Variants in CAMK1D observed in about 807,000 individuals in gnomAD.
CAMK1D encodes the protein calcium/calmodulin dependent protein kinase ID, also known as calcium/calmodulin-dependent protein kinase type 1D.
CAMK1D carries 9 observed loss-of-function variants against 47.7 expected under a neutral mutation model. The observed-to-expected ratio is 0.19, with a 90% CI of 0.11 to 0.33. The LOEUF is 0.33. CAMK1D is among the 10% of genes least tolerant of loss of function. CAMK1D has a pLI of 1.00. For missense variants in CAMK1D, 291 were observed against 488.7 expected (o/e 0.60, Z 3.81); for synonymous variants, 184 against 184.9 (o/e 0.99, Z 0.04).
intron 8 of CAMK1D, 114 bp from the exon 9 acceptor site, chr10:12,824,351 C>T (rs960612836): frequency 2.4e-6 from 2 of 847,042 alleles, no homozygotes; most frequent in African/African-American, 1.7e-5. Flanking sequence ...GCCAGCCACC[C>T]TGTCCACGAC....
chr10:12,425,641 G>C (rs1840205718), intron 1 of CAMK1D, among the ~76,000 whole-genome samples: 1 of 152,126 alleles, frequency 6.6e-6, no homozygotes, highest in Non-Finnish European at 1.5e-5. Flanking sequence ...ACCACTTACT[G>C]CCTGGGATCC....
At chr10:12,355,461 C>CGT (rs373427147) in intron 1 of CAMK1D, among the ~76,000 whole-genome samples, 215 of 150,730 alleles carry the variant, frequency 1.4e-3, no homozygotes, top group African/African-American at 4.2e-3. Flanking sequence ...TTTGTGTGTG[C>CGT]GTGTGTGTGT....
intron 1 of CAMK1D, among the ~76,000 whole-genome samples, chr10:12,540,848 A>C (rs1352833053): frequency 6.6e-6 from 1 of 152,106 alleles, no homozygotes; most frequent in Non-Finnish European, 1.5e-5. Context: ...CTACCTACTA[A>C]AGTTAAGGAT....
At chr10:12,563,048 C>A (rs1388030035) in intron 2 of CAMK1D, among the ~76,000 whole-genome samples, 1 of 152,232 alleles carries the variant, frequency 6.6e-6, no homozygotes, top group East Asian at 1.9e-4. Context: ...GAGGTATTGG[C>A]TCATGTAATT....
chr10:12,387,513 CTT>C (rs1232568730), intron 1 of CAMK1D, among the ~76,000 whole-genome samples: 2 of 113,510 alleles, frequency 1.8e-5, no homozygotes, highest in East Asian at 2.5e-4. Flanking sequence ...ATCTCGGTTG[CTT>C]TTTTTTTTTG....
At chr10:12,814,070 T>G in intron 6 of CAMK1D, 125 bp from the exon 7 acceptor site, 1 of 634,166 alleles carries the variant, frequency 1.6e-6, no homozygotes, top group Non-Finnish European at 2.8e-6. Flanking sequence ...ATTACCTGCG[T>G]GAGCCACTGT....
chr10:12,426,511 C>T (rs887923787), intron 1 of CAMK1D, among the ~76,000 whole-genome samples: 7 of 152,214 alleles, frequency 4.6e-5, no homozygotes, highest in South Asian at 2.1e-4. Flanking sequence ...TCCCAAAGTG[C>T]TGGGATTACA....
intron 5 of CAMK1D, among the ~76,000 whole-genome samples, chr10:12,779,532 T>TGATCCTCCCACCTCAGCC (rs1837401944): frequency 6.6e-6 from 1 of 152,104 alleles, no homozygotes; most frequent in Non-Finnish European, 1.5e-5. Flanking sequence ...TGGGCTCAGG[T>TGATCCTCCCACCTCAGCC]GATCCTCCCA....
chr10:12,774,065 C>T lies in CAMK1D; in HGVS notation c.565+4266C>T, dbSNP rs1007214416. 2.0e-3 allele frequency among the ~76,000 whole-genome samples: 235 copies of T among 116,044 alleles called. 1 individual carries two copies. The highest frequency in any genetic ancestry group is 6.4e-3 in the African/African-American group (185 of 28,916). The allele number at this position is 116,044 out of a possible 152,430, so 76.1% of individuals were successfully genotyped here. A position where few individuals can be genotyped will look rare whatever the true frequency, so the allele number is the denominator to read the frequency against. ...CTACCTTCTGTTCTGGGCACTGGTGCGGGGGGAGGGGGGCGGGTACATCAA... is the reference window on the plus strand; with the variant it reads ...CTACCTTCTGTTCTGGGCACTGGTGTGGGGGGAGGGGGGCGGGTACATCAA... On this transcript the variant is annotated intron_variant, in intron 5 of 10. Transcript: ENST00000619168.
At chr10:12,352,528 G>C (rs1490309101) in intron 1 of CAMK1D, among the ~76,000 whole-genome samples, 1 of 151,822 alleles carries the variant, frequency 6.6e-6, no homozygotes, top group Admixed American at 6.6e-5. Flanking sequence ...AGAATCGCTT[G>C]AACTGGGGAG....
At chr10:12,546,824 G>C (rs971485095) in intron 1 of CAMK1D, among the ~76,000 whole-genome samples, 1 of 150,356 alleles carries the variant, frequency 6.7e-6, no homozygotes, top group Admixed American at 6.6e-5. Context: ...GTGGGGGTGG[G>C]GGAGGGATAG....
At chr10:12,362,730 G>A (rs980687511) in intron 1 of CAMK1D, among the ~76,000 whole-genome samples, 12 of 151,844 alleles carry the variant, frequency 7.9e-5, no homozygotes, top group African/African-American at 2.9e-4. Flanking sequence ...CAGGATAGTC[G>A]CGATCTCCTG....
At chr10:12,776,308 G>A (rs1308878152) in intron 5 of CAMK1D, among the ~76,000 whole-genome samples, 2 of 152,234 alleles carry the variant, frequency 1.3e-5, no homozygotes, top group Non-Finnish European at 2.9e-5. Flanking sequence ...AGTTGTCTTT[G>A]CTGGAGGTGG....
intron 3 of CAMK1D, among the ~76,000 whole-genome samples, chr10:12,680,159 C>T (rs958658531): frequency 3.3e-5 from 5 of 152,138 alleles, no homozygotes; most frequent in Non-Finnish European, 5.9e-5. Flanking sequence ...CTAGTGTTCC[C>T]GTTTGGAAGA....
intron 3 of CAMK1D, among the ~76,000 whole-genome samples, chr10:12,718,270 A>G (rs1419228526): frequency 6.6e-6 from 1 of 152,186 alleles, no homozygotes; most frequent in Non-Finnish European, 1.5e-5. Context: ...ACTTTTAATG[A>G]TTCACAGACA....
At chr10:12,685,790 G>A (rs941269256) in intron 3 of CAMK1D, among the ~76,000 whole-genome samples, 4 of 152,204 alleles carry the variant, frequency 2.6e-5, no homozygotes, top group Non-Finnish European at 5.9e-5. Flanking sequence ...ACTGGCGAGC[G>A]CCTAGAGACA....
At chr10:12,451,771 T>TTG (rs75335236) in intron 1 of CAMK1D, among the ~76,000 whole-genome samples, 33,727 of 150,526 alleles carry the variant, frequency 0.22, 4,532 homozygotes, top group Non-Finnish European at 0.31. Context: ...GGTTATGTGT[T>TTG]TGTGTGTGTG....
intron 5 of CAMK1D, among the ~76,000 whole-genome samples, chr10:12,787,215 G>C (rs1486202429): frequency 6.6e-6 from 1 of 152,182 alleles, no homozygotes; most frequent in East Asian, 1.9e-4. Flanking sequence ...TGCTTTTCCA[G>C]CCTGTACATG....
At chr10:12,661,052 A>G (rs1176554813) in intron 2 of CAMK1D, among the ~76,000 whole-genome samples, 1 of 152,090 alleles carries the variant, frequency 6.6e-6, no homozygotes, top group Non-Finnish European at 1.5e-5. Flanking sequence ...CCTCTTTCTA[A>G]TTACTCTGGA....
Sources: gnomAD v4.1 joint callset for allele counts (sites outside exome capture counted in the v4.1 genomes callset) on GRCh38, gnomAD v4.1.1 for gene constraint, MANE v1.5 for transcripts, NCBI Gene and HGNC (gene_info 2026-07-23, HGNC 2026-07-21) for gene names.